WWOX: variants seen among roughly 807,000 people sequenced by gnomAD.
WWOX encodes the protein WW domain-containing oxidoreductase.
In WWOX, 69 loss-of-function variants were observed where a neutral mutation model predicts 46.2. The ratio of observed to expected loss-of-function variants is 1.49; its 90% CI spans 1.23 to 1.82. The LOEUF (loss-of-function observed/expected upper bound fraction) is 1.82, where lower values mean the gene tolerates loss of function less well. Among genes scored for constraint, WWOX ranks in the 40% most tolerant of loss-of-function variants. The pLI, the probability that WWOX is intolerant of heterozygous loss-of-function variation, is 0.00. For missense variants in WWOX, 919 were observed against 542.6 expected (o/e 1.69, Z -6.89); for synonymous variants, 359 against 202.6 (o/e 1.77, Z -6.56).
intron 2 of WWOX, 108 bp from the exon 3 acceptor site, chr16:78,109,670 G>A (rs1274457903): frequency 1.9e-6 from 2 of 1,077,186 alleles, no homozygotes; most frequent in East Asian, 2.5e-5. Context: ...CTGCTGGGTG[G>A]GAGGGACAGG....
intron 5 of WWOX, among the ~76,000 whole-genome samples, chr16:78,337,491 C>G (rs1056079423): frequency 1.3e-5 from 2 of 152,116 alleles, no homozygotes; most frequent in Admixed American, 6.5e-5. Flanking sequence ...ACATTATTAA[C>G]TAGTCTATAG....
chr16:78,628,069 G>A (rs1323952300), intron 8 of WWOX, among the ~76,000 whole-genome samples: 1 of 152,170 alleles, frequency 6.6e-6, no homozygotes, highest in Non-Finnish European at 1.5e-5. Flanking sequence ...GTCAGATTTT[G>A]TAAGGATTTT....
intron 8 of WWOX, among the ~76,000 whole-genome samples, chr16:78,673,535 G>A (rs1302621823): frequency 6.6e-6 from 1 of 152,140 alleles, no homozygotes; most frequent in Non-Finnish European, 1.5e-5. Flanking sequence ...ATACTTGATT[G>A]GAAAGAGAAG....
chr16:78,455,189 A>G (rs2083785224), intron 8 of WWOX, among the ~76,000 whole-genome samples: 1 of 152,178 alleles, frequency 6.6e-6, no homozygotes, highest in African/African-American at 2.4e-5. Context: ...CTTTACTGAG[A>G]CTTGAATGAT....
rs372778094 is a variant in WWOX, at chr16:78,914,804, A to G, written c.1057-296804A>G. 5.1e-3 allele frequency among the ~76,000 whole-genome samples: 757 copies of G among 148,342 alleles called. 6 individuals carry two copies. Among genetic ancestry groups the G allele is most frequent in the African/African-American group, 0.017 (684 of 40,500 alleles). ...TGAGGCAGGAGAATGGCGTGAACCC[A>G]GGAGGCGGAGCTTGCAGTGAGCCAG... On this transcript the variant is annotated intron_variant, in intron 8 of 8. Coordinates refer to ENST00000566780, the MANE Select transcript of WWOX (RefSeq NM_016373.4).
chr16:78,562,055 G>C (rs151290513), intron 8 of WWOX, among the ~76,000 whole-genome samples: 14 of 152,272 alleles, frequency 9.2e-5, no homozygotes, highest in African/African-American at 3.4e-4. Flanking sequence ...GCCCCGTGGA[G>C]GCATATGCTG....
chr16:78,778,835 G>T (rs1474674119), intron 8 of WWOX, among the ~76,000 whole-genome samples: 5 of 152,128 alleles, frequency 3.3e-5, no homozygotes, highest in African/African-American at 9.7e-5. Flanking sequence ...AGCTCGTAAA[G>T]CCCCGGCGTC....
chr16:78,228,729 C>G (rs1220425718), intron 5 of WWOX, among the ~76,000 whole-genome samples: 1 of 152,132 alleles, frequency 6.6e-6, no homozygotes, highest in Non-Finnish European at 1.5e-5. Flanking sequence ...TTCTGGTGAA[C>G]ATCATTAGTT....
chr16:78,116,149 C>T (rs1252724492), intron 4 of WWOX, among the ~76,000 whole-genome samples: 1 of 152,170 alleles, frequency 6.6e-6, no homozygotes, highest in Non-Finnish European at 1.5e-5. Flanking sequence ...GAGTGATAAA[C>T]AATTCAGTTA....
intron 8 of WWOX, among the ~76,000 whole-genome samples, chr16:78,735,314 TTATC>T (rs10588170): frequency 0.11 from 16,485 of 151,692 alleles, 981 homozygotes; most frequent in Non-Finnish European, 0.12. Context: ...TTTTCTTATT[TTATC>T]TATCTATCAA....
intron 8 of WWOX, among the ~76,000 whole-genome samples, chr16:79,005,279 C>T (rs1407508868): frequency 2.6e-5 from 4 of 152,162 alleles, no homozygotes; most frequent in African/African-American, 7.2e-5. Context: ...GTCCAAGGTT[C>T]CTTGATGACC....
intron 8 of WWOX, among the ~76,000 whole-genome samples, chr16:79,086,451 CT>C (rs1216698619): frequency 6.6e-6 from 1 of 152,136 alleles, no homozygotes; most frequent in Non-Finnish European, 1.5e-5. Flanking sequence ...TTAAGATGAC[CT>C]TTTGAAAATA....
intron 8 of WWOX, among the ~76,000 whole-genome samples, chr16:78,678,188 G>C (rs1008805574): frequency 1.3e-5 from 2 of 152,122 alleles, no homozygotes; most frequent in Non-Finnish European, 2.9e-5. Flanking sequence ...GCCTTACGTG[G>C]CATTTGGTAG....
At chr16:78,429,071 C>G (rs552740649) in intron 7 of WWOX, among the ~76,000 whole-genome samples, 1 of 152,300 alleles carries the variant, frequency 6.6e-6, no homozygotes, top group South Asian at 2.1e-4. Flanking sequence ...CTGTAATCAT[C>G]TAATTCTGTA....
At chr16:78,277,193 G>A (rs1384926045) in intron 5 of WWOX, among the ~76,000 whole-genome samples, 2 of 152,116 alleles carry the variant, frequency 1.3e-5, no homozygotes, top group African/African-American at 4.8e-5. Context: ...AATTTGAAAG[G>A]GGAGGAAAAA....
At chr16:79,023,450 G>T (rs2047575223) in intron 8 of WWOX, among the ~76,000 whole-genome samples, 1 of 152,100 alleles carries the variant, frequency 6.6e-6, no homozygotes, top group African/African-American at 2.4e-5. Context: ...ACTGAGACTG[G>T]GGATGTTCAT....
chr16:78,937,663 C>T (rs2045769269), intron 8 of WWOX, among the ~76,000 whole-genome samples: 1 of 151,508 alleles, frequency 6.6e-6, no homozygotes, highest in South Asian at 2.1e-4. Context: ...CTCACTCTGT[C>T]TCCCAGGCTG....
At chr16:78,452,391 G>T (rs991969918) in intron 8 of WWOX, among the ~76,000 whole-genome samples, 1 of 151,400 alleles carries the variant, frequency 6.6e-6, no homozygotes, top group Non-Finnish European at 1.5e-5. Context: ...CTTTTAATTA[G>T]ATATGTTTGT....
chr16:78,826,902 T>C (rs942465474), intron 8 of WWOX, among the ~76,000 whole-genome samples: 15 of 152,312 alleles, frequency 9.8e-5, no homozygotes, highest in African/African-American at 3.4e-4. Context: ...GGAAGTGGTA[T>C]TCATTGATCA....
Sources: gnomAD v4.1 joint callset for allele counts (sites outside exome capture counted in the v4.1 genomes callset) on GRCh38, gnomAD v4.1.1 for gene constraint, MANE v1.5 for transcripts, NCBI Gene and HGNC (gene_info 2026-07-23, HGNC 2026-07-21) for gene names.